SPOCK3: variants seen among roughly 807,000 people sequenced by gnomAD.
The protein encoded by SPOCK3 is testican-3.
A neutral mutation model predicts 56.6 loss-of-function variants in SPOCK3; 30 were observed. The ratio of observed to expected loss-of-function variants is 0.53; its 90% CI spans 0.40 to 0.72. The LOEUF (loss-of-function observed/expected upper bound fraction) is 0.72, where lower values mean the gene tolerates loss of function less well. Among genes scored for constraint, SPOCK3 ranks in the 30% least tolerant of loss-of-function variants. SPOCK3 has a pLI of 0.00. For synonymous variants in SPOCK3, 196 were observed against 183.3 expected (o/e 1.07, Z -0.56); for missense variants, 527 against 530.0 (o/e 0.99, Z 0.06).
At chr4:166,940,978 A>G (rs73861910) in intron 4 of SPOCK3, among the ~76,000 whole-genome samples, 4,276 of 151,082 alleles carry the variant, frequency 0.028, 181 homozygotes, top group African/African-American at 0.097. Context: ...TTCTGCACCT[A>G]ATTTTCCAAA....
intron 2 of SPOCK3, among the ~76,000 whole-genome samples, chr4:167,195,791 C>T (rs1175819969): frequency 1.3e-5 from 2 of 152,168 alleles, no homozygotes; most frequent in East Asian, 1.9e-4. Flanking sequence ...AGCTCTGCCA[C>T]CTGGGTGCAG....
intron 7 of SPOCK3, among the ~76,000 whole-genome samples, chr4:166,778,311 T>A (rs528062387): frequency 3.6e-4 from 55 of 152,324 alleles, no homozygotes; most frequent in African/African-American, 1.3e-3. Flanking sequence ...GCCTGTATTA[T>A]CAATTTTACT....
chr4:167,083,787 T>C (rs571235204), intron 2 of SPOCK3, among the ~76,000 whole-genome samples: 1 of 152,276 alleles, frequency 6.6e-6, no homozygotes, highest in African/African-American at 2.4e-5. Context: ...TCTTTGTTCA[T>C]AGTTCCTGAA....
intron 2 of SPOCK3, among the ~76,000 whole-genome samples, chr4:167,082,822 A>AGGG: frequency 6.8e-6 from 1 of 146,844 alleles, no homozygotes; most frequent in South Asian, 2.2e-4. Flanking sequence ...GGAGGGAGGG[A>AGGG]AGACAGAGGG....
At chr4:167,040,586 C>T (rs1057364826) in intron 3 of SPOCK3, among the ~76,000 whole-genome samples, 5 of 152,170 alleles carry the variant, frequency 3.3e-5, no homozygotes, top group African/African-American at 9.7e-5. Context: ...TAATGAAATA[C>T]GTTGCTAACA....
intron 2 of SPOCK3, among the ~76,000 whole-genome samples, chr4:167,069,532 G>C (rs1756471522): frequency 6.6e-6 from 1 of 151,876 alleles, no homozygotes; most frequent in Admixed American, 6.6e-5. Context: ...GTAGCGGGCG[G>C]GTTTGTTGCA....
At chr4:167,042,911 TA>T (rs1194973632) in intron 3 of SPOCK3, among the ~76,000 whole-genome samples, 1 of 152,148 alleles carries the variant, frequency 6.6e-6, no homozygotes, top group Non-Finnish European at 1.5e-5. Flanking sequence ...TGCTATTCAC[TA>T]ATGTTTACTT....
chr4:167,129,443 C>T (rs998601406), intron 2 of SPOCK3, among the ~76,000 whole-genome samples: 2 of 152,218 alleles, frequency 1.3e-5, no homozygotes, highest in Non-Finnish European at 2.9e-5. Context: ...GCACAGGACA[C>T]TGGAGTTTCT....
At chr4:166,769,351 A>C (rs1738602208) in intron 7 of SPOCK3, among the ~76,000 whole-genome samples, 1 of 134,096 alleles carries the variant, frequency 7.5e-6, no homozygotes, top group African/African-American at 2.7e-5. Context: ...ATGGTGACGT[A>C]CAGATGGGGT....
chr4:167,139,862 A>C (rs1763394417), intron 2 of SPOCK3, among the ~76,000 whole-genome samples: 1 of 151,958 alleles, frequency 6.6e-6, no homozygotes, highest in South Asian at 2.1e-4. Flanking sequence ...TTTTTGTTTT[A>C]CAAAAGGCTC....
chr4:167,155,285 A>C (rs758373778), intron 2 of SPOCK3, among the ~76,000 whole-genome samples: 1 of 150,650 alleles, frequency 6.6e-6, no homozygotes, highest in Non-Finnish European at 1.5e-5. Context: ...CCCAGCTAAT[A>C]TTTTCTATTT....
At chr4:166,786,893 A>G (rs1165996151) in intron 7 of SPOCK3, among the ~76,000 whole-genome samples, 2 of 152,118 alleles carry the variant, frequency 1.3e-5, no homozygotes, top group Non-Finnish European at 2.9e-5. Flanking sequence ...AGGGAAACGG[A>G]GTGCTGAATT....
At position 167,206,302 on chromosome 4, in the gene SPOCK3, C is replaced by T. The variant is rs567121136; in HGVS notation, c.189+27683G>A. On this transcript the variant is annotated intron_variant, in intron 2 of 10. Coordinates refer to ENST00000357545, the MANE Select transcript of SPOCK3 (RefSeq NM_001040159.2). Reference sequence around the variant, plus strand: ...TCTTGCCATTGCACTCCAGCCTGAGCGACAGAAGTGAAACTCCATCTTGAA... The same window carrying T: ...TCTTGCCATTGCACTCCAGCCTGAGTGACAGAAGTGAAACTCCATCTTGAA... Among the ~76,000 whole-genome samples, 47 of 151,526 alleles carry T rather than the reference C, an allele frequency of 3.1e-4. No homozygotes were observed. The East Asian group carries it at 8.8e-3, about 28-fold the overall frequency.
chr4:166,889,395 T>C (rs1000683963), intron 5 of SPOCK3, 151 bp from the exon 6 acceptor site: 1 of 590,800 alleles, frequency 1.7e-6, no homozygotes, highest in Non-Finnish European at 3.0e-6. Context: ...AGTGCAATAT[T>C]ACACACTTAT....
At chr4:166,936,464 G>C (rs547733601) in intron 4 of SPOCK3, among the ~76,000 whole-genome samples, 34 of 152,076 alleles carry the variant, frequency 2.2e-4, no homozygotes, top group African/African-American at 6.5e-4. Flanking sequence ...TTTTCTAGAA[G>C]TTTGTACATT....
At position 166,969,268 on chromosome 4, in the gene SPOCK3, G is replaced by C. The variant is rs767807816; in HGVS notation, c.350+31081C>G. On this transcript the variant is annotated intron_variant, in intron 4 of 10. Transcript: ENST00000357545. Reference sequence around the variant, plus strand: ...GAGTTACGACTTTGGAGAACTGTTAGGAAGGCATGCTTGTGCTTTGAAATG... The same window carrying C: ...GAGTTACGACTTTGGAGAACTGTTACGAAGGCATGCTTGTGCTTTGAAATG... Among the ~76,000 whole-genome samples, 6 of 152,184 alleles carry C rather than the reference G, an allele frequency of 3.9e-5. No individual in the cohort carries two copies. The South Asian group carries it at 1.0e-3, about 26-fold the overall frequency.
At chr4:167,101,685 C>T (rs1580293346) in intron 2 of SPOCK3, among the ~76,000 whole-genome samples, 2 of 151,680 alleles carry the variant, frequency 1.3e-5, no homozygotes, top group South Asian at 2.1e-4. Flanking sequence ...CTAAGACTCA[C>T]CAGTATCTTC....
At chr4:167,178,340 T>C (rs1731160994) in intron 2 of SPOCK3, among the ~76,000 whole-genome samples, 1 of 152,168 alleles carries the variant, frequency 6.6e-6, no homozygotes, top group South Asian at 2.1e-4. Context: ...CATTCTTCCA[T>C]ATAAATAACA....
At chr4:166,933,863 G>T (rs1740073647) in intron 4 of SPOCK3, among the ~76,000 whole-genome samples, 1 of 152,152 alleles carries the variant, frequency 6.6e-6, no homozygotes, top group African/African-American at 2.4e-5. Context: ...GTGTGTGCAG[G>T]TATCTGGCTG....
Sources: gnomAD v4.1 joint callset for allele counts (sites outside exome capture counted in the v4.1 genomes callset) on GRCh38, gnomAD v4.1.1 for gene constraint, MANE v1.5 for transcripts, NCBI Gene and HGNC (gene_info 2026-07-23, HGNC 2026-07-21) for gene names.